SLC6A3: variants seen among roughly 807,000 people sequenced by gnomAD.
SLC6A3 encodes the protein solute carrier family 6 member 3, also known as sodium-dependent dopamine transporter.
SLC6A3 carries 19 observed loss-of-function variants against 70.4 expected under a neutral mutation model. The observed-to-expected ratio is 0.27, with a 90% CI of 0.19 to 0.40. The LOEUF is 0.40. Ranked by LOEUF, SLC6A3 falls within the 10% of genes least tolerant of loss-of-function variation. The pLI is 1.00. For missense variants in SLC6A3, 613 were observed against 838.5 expected (o/e 0.73, Z 3.32); for synonymous variants, 368 against 356.6 (o/e 1.03, Z -0.36).
At chr5:1,418,869 TCC>T in intron 6 of SLC6A3, among the ~76,000 whole-genome samples, 2 of 146,730 alleles carry the variant, frequency 1.4e-5, no homozygotes, top group Non-Finnish European at 3.0e-5. Context: ...TATCCATCCA[TCC>T]ATCCATCCTA....
intron 4 of SLC6A3, 102 bp from the exon 5 acceptor site, chr5:1,422,116 G>T: frequency 7.8e-7 from 1 of 1,274,994 alleles, no homozygotes; most frequent in Non-Finnish European, 1.1e-6. Flanking sequence ...ATCTCAGCAG[G>T]GCAGAAAGCA....
chr5:1,408,003 T>TA lies in SLC6A3; in HGVS notation c.1498+1022_1498+1023insT, dbSNP rs1257748233. On this transcript the variant is annotated intron_variant, in intron 11 of 14. Coordinates refer to ENST00000270349, the MANE Select transcript of SLC6A3 (RefSeq NM_001044.5). This position sits in a 1 kb window ranked among gnomAD's most constrained non-coding sequence, Gnocchi z 6.4. ...CAGCTTTCAGCCGGATCCACACATT[T>TA]TTTTTTTTCTTTTTTGAGACGGAGT... Among the ~76,000 whole-genome samples the TA allele has an allele frequency of 6.6e-6, 1 of 151,650 alleles. No individual in the cohort carries two copies.
rs1223191132 is a variant in SLC6A3, at chr5:1,438,762, T to C, written c.418+2597A>G. On this transcript the variant is annotated intron_variant, in intron 3 of 14. Transcript: ENST00000270349. The surrounding 1 kb of genome is among the most constrained non-coding windows in gnomAD (Gnocchi z 6.5). ...GGGAGTGGGGCACAGGGCTGTGCCT[T>C]GTAAGACACTTGTGACAGACTCCAG... Among the ~76,000 whole-genome samples the C allele has an allele frequency of 1.3e-5, 2 of 152,204 alleles. No homozygotes were observed. The highest frequency in any genetic ancestry group is 4.8e-5 in the African/African-American group (2 of 41,448).
At chr5:1,445,031 C>T (rs1380934570) in intron 1 of SLC6A3, among the ~76,000 whole-genome samples, 2 of 152,198 alleles carry the variant, frequency 1.3e-5, no homozygotes, top group African/African-American at 4.8e-5. Flanking sequence ...GAAACCAGGA[C>T]CCCCGAGTCA....
intron 6 of SLC6A3, among the ~76,000 whole-genome samples, chr5:1,417,863 C>G (rs1756344366): frequency 6.6e-6 from 1 of 152,232 alleles, no homozygotes; most frequent in Non-Finnish European, 1.5e-5. Flanking sequence ...AGGTGGGTCT[C>G]AGGGCATCCC....
chr5:1,409,130 A>G lies in SLC6A3; in HGVS notation c.1399-5T>C. ...CGTGAAGACGTAGATGCCACCCTGG[A>G]AGAGAGGGGAGCCTGTGGACCTACA... On this transcript the variant is annotated splice_polypyrimidine_tract_variant and splice_region_variant and intron_variant, in intron 10 of 14. Transcript: ENST00000270349. 6.2e-7 allele frequency: 1 copy of G among 1,600,840 alleles called. No homozygotes were observed. The highest frequency in any genetic ancestry group is 1.1e-5 in the South Asian group (1 of 89,554).
intron 6 of SLC6A3, among the ~76,000 whole-genome samples, chr5:1,417,415 C>T (rs546649357): frequency 2.8e-4 from 43 of 152,302 alleles, no homozygotes; most frequent in Non-Finnish European, 5.1e-4. Flanking sequence ...CCTGATTGGA[C>T]GCACACCAGC....
rs772949290 is a variant in SLC6A3, at chr5:1,438,160, G to A, written c.418+3199C>T. Among the ~76,000 whole-genome samples, 4 of 152,228 alleles carry A rather than the reference G, an allele frequency of 2.6e-5. No individual in the cohort carries two copies. Among genetic ancestry groups the A allele is most frequent in the Admixed American group, 6.5e-5 (1 of 15,282 alleles). ...CTTGCACTGATTCATCTATCCCTTC[G>A]TGGGTCGAACAGTTCACTTTCTGTG... On this transcript the variant is annotated intron_variant, in intron 3 of 14. Transcript: ENST00000270349. The surrounding 1 kb of genome is among the most constrained non-coding windows in gnomAD (Gnocchi z 6.5).
At chr5:1,425,950 C>A (rs1756564653) in intron 4 of SLC6A3, among the ~76,000 whole-genome samples, 1 of 152,022 alleles carries the variant, frequency 6.6e-6, no homozygotes, top group South Asian at 2.1e-4. Context: ...AAATACAAAT[C>A]AAAAATACAA....
rs988507725 is a variant in SLC6A3, at chr5:1,438,041, A to C, written c.418+3318T>G. ...AACTGGCATCCTGCGCTTGACAGGT[A>C]GGCAGAACAAACGGGACGCTGGCAC... On this transcript the variant is annotated intron_variant, in intron 3 of 14. Coordinates refer to ENST00000270349, the MANE Select transcript of SLC6A3 (RefSeq NM_001044.5). The surrounding 1 kb of genome is among the most constrained non-coding windows in gnomAD (Gnocchi z 6.5). 6.6e-6 allele frequency among the ~76,000 whole-genome samples: 1 copy of C among 152,252 alleles called. No individual in the cohort carries two copies. The highest frequency in any genetic ancestry group is 1.5e-5 in the Non-Finnish European group (1 of 68,050).
Position 1,402,845 on chromosome 5 carries a change from G to T in SLC6A3, c.1767+77C>A. On this transcript the variant is annotated intron_variant, in intron 13 of 14. Coordinates refer to ENST00000270349, the MANE Select transcript of SLC6A3 (RefSeq NM_001044.5). The surrounding 1 kb of genome is among the most constrained non-coding windows in gnomAD (Gnocchi z 8.5). ...GTCACAGATGACCCAGGCAGGTGAG[G>T]ACTGGGGCCATGGACACCCACGGAG... The T allele has an allele frequency of 6.9e-7, 1 of 1,444,114 alleles. No individual in the cohort carries two copies. The highest frequency in any genetic ancestry group is 1.4e-5 in the African/African-American group (1 of 71,266). The allele number at this position is 1,444,114 out of a possible 1,614,324, so 89.5% of individuals were successfully genotyped here. A position where few individuals can be genotyped will look rare whatever the true frequency, so the allele number is the denominator to read the frequency against.
rs376234794 is a variant in SLC6A3 at position 1,409,706 on chromosome 5, G to C, written c.1398+15C>G. On this transcript the variant is annotated intron_variant, in intron 10 of 14. Coordinates refer to ENST00000270349, the MANE Select transcript of SLC6A3 (RefSeq NM_001044.5). ...GACATGACCAGGAGAAGGCGAAGCC[G>C]GCGATGGTACGTACGTTGGTGACGC... 1 of 1,612,986 alleles carries C rather than the reference G, an allele frequency of 6.2e-7. No homozygotes were observed.
In SLC6A3 at chr5:1,406,071, A is replaced by G. The variant is rs538537240; in HGVS notation, c.1599+117T>C. ...GCCTGTCCTTCTGGGCCGAGTCTTG[A>G]GGCCCCTGACTCCAGCCACAGTGAC... On this transcript the variant is annotated intron_variant, in intron 12 of 14. Coordinates refer to ENST00000270349, the MANE Select transcript of SLC6A3 (RefSeq NM_001044.5). This position sits in a 1 kb window ranked among gnomAD's most constrained non-coding sequence, Gnocchi z 8.8. The G allele has an allele frequency of 3.9e-6, 3 of 769,814 alleles. No homozygotes were observed. The African/African-American group carries it at 5.1e-5, about 13-fold the overall frequency. The allele number at this position is 769,814 out of a possible 1,614,324, so 47.7% of individuals were successfully genotyped here.
intron 3 of SLC6A3, among the ~76,000 whole-genome samples, chr5:1,439,612 C>T (rs893659002): frequency 1.3e-5 from 2 of 152,222 alleles, no homozygotes; most frequent in Admixed American, 6.5e-5. Flanking sequence ...TGAAGGCCCA[C>T]CCCTGACCCA....
chr5:1,414,295 G>A (rs1005057575), intron 8 of SLC6A3, among the ~76,000 whole-genome samples: 2 of 150,828 alleles, frequency 1.3e-5, no homozygotes, highest in African/African-American at 4.9e-5. Flanking sequence ...GGGAGCAGTC[G>A]AGGGACTGAG....
chr5:1,394,437 TCA>T lies in SLC6A3; in HGVS notation c.*296_*297del, dbSNP rs1162118356. The T allele has an allele frequency of 3.6e-6, 2 of 548,366 alleles. No homozygotes were observed. Among genetic ancestry groups the T allele is most frequent in the Non-Finnish European group, 6.6e-6 (2 of 304,592 alleles). 34.0% of individuals were successfully genotyped at this position (548,366 alleles called of 1,614,324 possible). A position where few individuals can be genotyped will look rare whatever the true frequency, so the allele number is the denominator to read the frequency against. Reference sequence around the variant, plus strand: ...GCAGGGAGCAGGGAGGGAGGGAGCCTCACACAGACAGCATGAAGTTAGACGTT... The same window carrying T: ...GCAGGGAGCAGGGAGGGAGGGAGCCTCACAGACAGCATGAAGTTAGACGTT... On this transcript the variant is annotated 3_prime_UTR_variant, in exon 15 of 15. Transcript: ENST00000270349. The surrounding 1 kb of genome is among the most constrained non-coding windows in gnomAD (Gnocchi z 4.7).
rs1368181343 is a variant in SLC6A3, at chr5:1,394,567, A to G, written c.*168T>C. On this transcript the variant is annotated 3_prime_UTR_variant, in exon 15 of 15. Transcript: ENST00000270349. This position sits in a 1 kb window ranked among gnomAD's most constrained non-coding sequence, Gnocchi z 4.7. ...GGCGAGGTGCGCTCCCGGCACGGAA[A>G]GGTGTAAACAGTCAGAAGAGAGGAG... The G allele has an allele frequency of 1.6e-5, 12 of 753,848 alleles. No individual in the cohort carries two copies. Among genetic ancestry groups the G allele is most frequent in the Non-Finnish European group, 2.6e-5 (11 of 416,456 alleles). The allele number at this position is 753,848 out of a possible 1,614,324, so 46.7% of individuals were successfully genotyped here.
intron 4 of SLC6A3, among the ~76,000 whole-genome samples, chr5:1,429,162 A>T (rs1338010050): frequency 6.6e-6 from 1 of 151,952 alleles, no homozygotes; most frequent in Non-Finnish European, 1.5e-5. Flanking sequence ...AATCCAGAAC[A>T]CCCCTGGCAG....
At position 1,442,843 on chromosome 5, in the gene SLC6A3, C is replaced by A; in HGVS notation, c.286+69G>T. On this transcript the variant is annotated intron_variant, in intron 2 of 14. Transcript: ENST00000270349. The surrounding 1 kb of genome is among the most constrained non-coding windows in gnomAD (Gnocchi z 5.0). ...CAGCTTCATCTCGTTTCCGTACGTG[C>A]CTTGGCCCCGGCTGCCCCTACGACC... is the stretch of plus-strand genomic sequence containing the variant. The A allele has an allele frequency of 1.3e-6, 2 of 1,523,314 alleles. No individual in the cohort carries two copies. The highest frequency in any genetic ancestry group is 1.1e-5 in the South Asian group (1 of 89,286). The allele number at this position is 1,523,314 out of a possible 1,614,324, so 94.4% of individuals were successfully genotyped here.
Sources: allele counts gnomAD v4.1 joint callset (sites outside exome capture counted in the v4.1 genomes callset), GRCh38; gene constraint gnomAD v4.1.1; non-coding constraint Gnocchi (gnomAD v3.1); transcripts MANE v1.5; gene names NCBI Gene and HGNC (gene_info 2026-07-23, HGNC 2026-07-21).